ANKRD36C: variants seen among roughly 807,000 people sequenced by gnomAD.
The protein encoded by ANKRD36C is ankyrin repeat domain 36C.
A neutral mutation model predicts 276.4 loss-of-function variants in ANKRD36C; 61 were observed. That is an observed-to-expected ratio of 0.22 (90% CI 0.18 to 0.27). ANKRD36C has a LOEUF of 0.27. Ranked by LOEUF, ANKRD36C falls within the 10% of genes least tolerant of loss-of-function variation. The pLI is 1.00. For missense variants in ANKRD36C, 1,447 were observed against 2,032.3 expected, an observed-to-expected ratio of 0.71 and a Z score of 5.54; for synonymous variants, 483 against 680.1, an observed-to-expected ratio of 0.71 and a Z score of 4.51.
At chr2:95,988,064 CTTA>C (rs1679068070) in intron 1 of ANKRD36C, among the ~76,000 whole-genome samples, 6 of 150,176 alleles carry the variant, frequency 4.0e-5, no homozygotes, top group Admixed American at 4.0e-4. Context: ...TCCGTGATGC[CTTA>C]CATTAAGTGG....
chr2:95,970,549 C>A (rs2579539), intron 6 of ANKRD36C, among the ~76,000 whole-genome samples: 6 of 152,070 alleles, frequency 3.9e-5, no homozygotes, highest in African/African-American at 1.2e-4. Flanking sequence ...CAGTTGTCTC[C>A]CTACCTAGTG....
intron 42 of ANKRD36C, among the ~76,000 whole-genome samples, chr2:95,908,273 A>AT (rs1201154213): frequency 8.0e-5 from 12 of 150,436 alleles, no homozygotes; most frequent in Non-Finnish European, 1.6e-4. Context: ...ACTGCTCTCC[A>AT]TATTTCTTCT....
At chr2:95,937,893 C>A (rs1677761740) in intron 22 of ANKRD36C, among the ~76,000 whole-genome samples, 1 of 152,306 alleles carries the variant, frequency 6.6e-6, no homozygotes, top group South Asian at 2.1e-4. Context: ...GGTATGTCAT[C>A]ATATTTATGT....
chr2:95,915,300 T>C (rs149617739), intron 38 of ANKRD36C, among the ~76,000 whole-genome samples: 2,369 of 151,672 alleles, frequency 0.016, 60 homozygotes, highest in African/African-American at 0.054. Flanking sequence ...AAAACATGTA[T>C]CTCTGATGCC....
At chr2:95,902,780 G>A in intron 42 of ANKRD36C, 106 bp downstream of exon 54, 1 of 1,328,928 alleles carries the variant, frequency 7.5e-7, no homozygotes. Flanking sequence ...CAGGACTGCT[G>A]AATCAGAATG....
At chr2:95,915,720 G>A (rs1444852759) in intron 38 of ANKRD36C, among the ~76,000 whole-genome samples, 2 of 151,410 alleles carry the variant, frequency 1.3e-5, no homozygotes, top group Non-Finnish European at 3.0e-5. Flanking sequence ...ATTATGCTGT[G>A]CCCCAGAGCC....
intron 3 of ANKRD36C, among the ~76,000 whole-genome samples, chr2:95,985,744 T>C (rs2261802): frequency 3.9e-5 from 6 of 152,306 alleles, no homozygotes; most frequent in South Asian, 2.1e-4. Flanking sequence ...GGGATTTGGC[T>C]GAAAAGAGGA....
In ANKRD36C at chr2:95,921,224, T is replaced by A. The variant is rs1195455124; in HGVS notation, c.2245+383A>T. On this transcript the variant is annotated intron_variant, in intron 34 of 66. Transcript: ENST00000456556. Reference sequence around the variant, plus strand: ...ATGGGTTATTACTATCAGTTTTCTGTCTTTTCTCAGCAGTACGATGTGATG... The same window carrying A: ...ATGGGTTATTACTATCAGTTTTCTGACTTTTCTCAGCAGTACGATGTGATG... Among the ~76,000 whole-genome samples, 2 of 150,712 alleles carry A rather than the reference T, an allele frequency of 1.3e-5. 1 individual carries two copies. Among genetic ancestry groups the A allele is most frequent in the African/African-American group, 4.9e-5 (2 of 40,478 alleles).
In ANKRD36C at chr2:95,873,380, T is replaced by G. The variant is rs530522417; in HGVS notation, c.3540+3059A>C. Among the ~76,000 whole-genome samples the G allele has an allele frequency of 3.3e-5, 5 of 152,278 alleles. No homozygotes were observed. In the South Asian group the frequency reaches 1.0e-3, roughly 32 times the overall value. On this transcript the variant is annotated intron_variant, in intron 59 of 66. Transcript: ENST00000456556. ...GCTTCAATATACGCAAATAAATAAA[T>G]GTAATCCAGCTTATAAACAAAACCA...
chr2:95,972,656 G>A (rs569519434), intron 6 of ANKRD36C, among the ~76,000 whole-genome samples: 3 of 152,292 alleles, frequency 2.0e-5, no homozygotes, highest in Non-Finnish European at 4.4e-5. Context: ...TTTCTTTAAG[G>A]TGATGTGACC....
intron 42 of ANKRD36C, among the ~76,000 whole-genome samples, chr2:95,909,825 T>A (rs1365511949): frequency 1.3e-5 from 2 of 148,382 alleles, no homozygotes; most frequent in East Asian, 4.0e-4. Context: ...ATATTCCAAA[T>A]GCATCTGAAG....
At chr2:95,980,508 A>C in intron 5 of ANKRD36C, 140 bp downstream of exon 5, 1 of 1,261,104 alleles carries the variant, frequency 7.9e-7, no homozygotes, top group African/African-American at 1.5e-5. Context: ...AACTCTCGAA[A>C]ACTTAAAAAC....
intron 58 of ANKRD36C, among the ~76,000 whole-genome samples, chr2:95,879,642 A>G (rs1676032151): frequency 6.6e-6 from 1 of 152,212 alleles, no homozygotes; most frequent in African/African-American, 2.4e-5. Flanking sequence ...TAATCAGAAC[A>G]TCTGATTGGC....
intron 32 of ANKRD36C, among the ~76,000 whole-genome samples, chr2:95,922,342 G>T (rs896105273): frequency 6.6e-6 from 1 of 151,570 alleles, no homozygotes; most frequent in Non-Finnish European, 1.5e-5. Context: ...TGCTCAGCTT[G>T]GATATATGTT....
chr2:95,919,001 G>C lies in ANKRD36C; in HGVS notation c.2246-959C>G, dbSNP rs941987977. ...AGGAAGCCAATGTATTCATATTCAA[G>C]TTTATCTCATTTTTATAAGTAAAGT... On this transcript the variant is annotated intron_variant, in intron 34 of 66. Coordinates refer to ENST00000456556, the Ensembl canonical transcript of ANKRD36C. Among the ~76,000 whole-genome samples the C allele has an allele frequency of 6.8e-5, 9 of 131,566 alleles. 2 individuals carry two copies. The highest frequency in any genetic ancestry group is 1.5e-4 in the African/African-American group (6 of 38,984). 86.3% of individuals were successfully genotyped at this position (131,566 alleles called of 152,430 possible).
At chr2:95,942,053 A>C (rs1333214663) in intron 19 of ANKRD36C, among the ~76,000 whole-genome samples, 1 of 152,302 alleles carries the variant, frequency 6.6e-6, no homozygotes, top group Non-Finnish European at 1.5e-5. Context: ...ACAAAGAGTC[A>C]GGAAAGAATC....
At position 95,908,578 on chromosome 2, in the gene ANKRD36C, A is replaced by G; in HGVS notation, c.2653+3666T>C. Reference sequence around the variant, plus strand: ...AATCTTTCTCATCTCTTGTAGCCTGAATGGAATTTGAAATGCAATAATAAA... The same window carrying G: ...AATCTTTCTCATCTCTTGTAGCCTGGATGGAATTTGAAATGCAATAATAAA... On this transcript the variant is annotated intron_variant, in intron 42 of 66. Transcript: ENST00000456556. 6.4e-7 allele frequency: 1 copy of G among 1,560,684 alleles called. No individual in the cohort carries two copies. The highest frequency in any genetic ancestry group is 8.7e-7 in the Non-Finnish European group (1 of 1,149,334).
At chr2:95,982,081 G>A (rs1678934671) in intron 4 of ANKRD36C, among the ~76,000 whole-genome samples, 175 bp downstream of exon 4, 1 of 152,176 alleles carries the variant, frequency 6.6e-6, no homozygotes, top group African/African-American at 2.4e-5. Flanking sequence ...ATGTTACTCA[G>A]TCCAAATAAT....
intron 6 of ANKRD36C, among the ~76,000 whole-genome samples, chr2:95,971,899 A>G (rs2579543): frequency 3.9e-5 from 6 of 152,198 alleles, no homozygotes; most frequent in Admixed American, 6.5e-5. Flanking sequence ...TCTGTATAGA[A>G]ACCTGTTAAA....
Sources: allele counts gnomAD v4.1 joint callset (sites outside exome capture counted in the v4.1 genomes callset), GRCh38; gene constraint gnomAD v4.1.1; transcripts MANE v1.5; gene names NCBI Gene and HGNC (gene_info 2026-07-23, HGNC 2026-07-21).